Variants in CAMTA1 observed in about 807,000 individuals in gnomAD.
CAMTA1 encodes calmodulin binding transcription activator 1, also known as calmodulin-binding transcription activator 1.
CAMTA1 carries 27 observed loss-of-function variants against 170.9 expected under a neutral mutation model. The observed-to-expected ratio is 0.16, with a 90% CI of 0.12 to 0.22. The LOEUF is 0.22. Ranked by LOEUF, CAMTA1 falls within the 10% of genes least tolerant of loss-of-function variation. CAMTA1 has a pLI of 1.00. For synonymous variants in CAMTA1, 833 were observed against 891.5 expected (o/e 0.93, Z 1.17); for missense variants, 1,619 against 2,217.2 (o/e 0.73, Z 5.42).
chr1:6,939,813 C>T (rs1332855938), intron 3 of CAMTA1, among the ~76,000 whole-genome samples: 2 of 152,266 alleles, frequency 1.3e-5, no homozygotes, highest in African/African-American at 4.8e-5. Flanking sequence ...AAGGCTTCTG[C>T]CTAGCATCTG....
chr1:7,597,640 G>C lies in CAMTA1; in HGVS notation c.511-42760G>C, dbSNP rs554856133. Reference sequence around the variant, plus strand: ...CAAATTCTACAGAGTAGGTCAACGGGCTGGAGACCAGGAAAGAAATGATGT... The same window carrying C: ...CAAATTCTACAGAGTAGGTCAACGGCCTGGAGACCAGGAAAGAAATGATGT... On this transcript the variant is annotated intron_variant, in intron 6 of 22. Transcript: ENST00000303635. 7.9e-5 allele frequency among the ~76,000 whole-genome samples: 12 copies of C among 152,182 alleles called. No individual in the cohort carries two copies. The South Asian group carries it at 2.3e-3, about 29-fold the overall frequency.
chr1:7,407,700 C>T (rs1263295487), intron 5 of CAMTA1, among the ~76,000 whole-genome samples: 1 of 152,076 alleles, frequency 6.6e-6, no homozygotes, highest in African/African-American at 2.4e-5. Context: ...CTGGGGATGC[C>T]CGTGCCAGCC....
chr1:6,958,843 A>T (rs756043438), intron 3 of CAMTA1, among the ~76,000 whole-genome samples: 12 of 151,340 alleles, frequency 7.9e-5, no homozygotes, highest in Non-Finnish European at 1.3e-4. Context: ...GAAAGTTTTT[A>T]TTTTTTTTTA....
At chr1:7,766,193 A>G (rs912852772) in intron 22 of CAMTA1, among the ~76,000 whole-genome samples, 1 of 152,188 alleles carries the variant, frequency 6.6e-6, no homozygotes. Context: ...GATTTAATAC[A>G]TTAGACTTTG....
chr1:7,139,793 T>C (rs1645787809), intron 4 of CAMTA1, among the ~76,000 whole-genome samples: 1 of 152,164 alleles, frequency 6.6e-6, no homozygotes, highest in Non-Finnish European at 1.5e-5. Context: ...TTCTCTTCTG[T>C]TTTCTCCCTG....
chr1:7,670,337 G>A (rs114281204), intron 9 of CAMTA1, among the ~76,000 whole-genome samples: 2,044 of 152,216 alleles, frequency 0.013, 45 homozygotes, highest in African/African-American at 0.046. Flanking sequence ...TAGCTCCTCT[G>A]TTTCTTCATC....
At chr1:7,250,264 G>T (rs1218717033) in intron 5 of CAMTA1, among the ~76,000 whole-genome samples, 1 of 152,242 alleles carries the variant, frequency 6.6e-6, no homozygotes, top group Non-Finnish European at 1.5e-5. Flanking sequence ...CAGCCATGGA[G>T]AAATTCCCTT....
chr1:7,627,462 T>C (rs1158436454), intron 6 of CAMTA1, among the ~76,000 whole-genome samples: 11 of 152,244 alleles, frequency 7.2e-5, no homozygotes, highest in Admixed American at 7.2e-4. Context: ...TACCTGGCCC[T>C]TCTGAAGGTT....
intron 4 of CAMTA1, among the ~76,000 whole-genome samples, chr1:7,154,843 C>A (rs1009807007): frequency 9.9e-5 from 15 of 152,206 alleles, no homozygotes; most frequent in African/African-American, 3.6e-4. Flanking sequence ...CCTCTCAGCT[C>A]CTCAGGGAGT....
At chr1:7,722,188 C>A (rs1280151374) in intron 11 of CAMTA1, among the ~76,000 whole-genome samples, 1 of 152,240 alleles carries the variant, frequency 6.6e-6, no homozygotes, top group Non-Finnish European at 1.5e-5. Context: ...CCCAGCCCTT[C>A]TAAACTTAGA....
At chr1:7,647,677 G>A (rs192851729) in intron 7 of CAMTA1, among the ~76,000 whole-genome samples, 25 of 152,320 alleles carry the variant, frequency 1.6e-4, no homozygotes, top group African/African-American at 5.3e-4. Flanking sequence ...CAGCTCAGTC[G>A]ATCCTGATCC....
chr1:6,956,934 C>A (rs996765269), intron 3 of CAMTA1, among the ~76,000 whole-genome samples: 1 of 152,166 alleles, frequency 6.6e-6, no homozygotes, highest in Admixed American at 6.5e-5. Flanking sequence ...TAGTTAGTAG[C>A]GGTCGGGCCA....
chr1:7,724,088 G>T (rs956826439), intron 11 of CAMTA1, among the ~76,000 whole-genome samples: 2 of 152,180 alleles, frequency 1.3e-5, no homozygotes, highest in African/African-American at 4.8e-5. Context: ...CAAAGTGCTG[G>T]GATTACAGGC....
At chr1:7,316,167 G>A (rs1371384867) in intron 5 of CAMTA1, among the ~76,000 whole-genome samples, 2 of 152,112 alleles carry the variant, frequency 1.3e-5, no homozygotes, top group African/African-American at 2.4e-5. Context: ...CTCCCACTGC[G>A]TTCCTCCCAT....
At chr1:7,648,677 C>T (rs1436874097) in intron 7 of CAMTA1, among the ~76,000 whole-genome samples, 1 of 152,160 alleles carries the variant, frequency 6.6e-6, no homozygotes, top group Non-Finnish European at 1.5e-5. Flanking sequence ...GGAGCCGAGC[C>T]GGCTGCAGTC....
At chr1:7,713,764 C>T (rs561436804) in intron 11 of CAMTA1, among the ~76,000 whole-genome samples, 3 of 152,094 alleles carry the variant, frequency 2.0e-5, no homozygotes, top group African/African-American at 7.2e-5. Flanking sequence ...CTTATATGTA[C>T]GTATGTTTCT....
At position 7,673,529 on chromosome 1, in the gene CAMTA1, TG is replaced by T. The variant is rs2096079532; in HGVS notation, c.2779+2495del. Among the ~76,000 whole-genome samples, 1 of 152,214 alleles carries T rather than the reference TG, an allele frequency of 6.6e-6. No homozygotes were observed. The highest frequency in any genetic ancestry group is 1.5e-5 in the Non-Finnish European group (1 of 68,018). ...AGTTCTCCTGGTCCTGGGGCATTTC[TG>T]GGTCCCCAGAGATGGCAGGTAGAGT... On this transcript the variant is annotated intron_variant, in intron 10 of 22. Transcript: ENST00000303635. This position sits in a 1 kb window ranked among gnomAD's most constrained non-coding sequence, Gnocchi z 4.6.
chr1:7,574,686 C>A (rs1267193480), intron 6 of CAMTA1, among the ~76,000 whole-genome samples: 2 of 152,214 alleles, frequency 1.3e-5, no homozygotes, highest in Non-Finnish European at 2.9e-5. Flanking sequence ...CCGTGCCAAG[C>A]CAACCGGCTA....
At position 7,421,589 on chromosome 1, in the gene CAMTA1, T is replaced by TA. The variant is rs1297063571; in HGVS notation, c.439-46241_439-46240insA. ...CTCTCTCTGGGCCTCAGTTTCTTCC[T>TA]GTAGGAACTGGAGGTAACAACGGCC... On this transcript the variant is annotated intron_variant, in intron 5 of 22. Transcript: ENST00000303635. 2.6e-5 allele frequency among the ~76,000 whole-genome samples: 4 copies of TA among 152,242 alleles called. No individual in the cohort carries two copies. In the East Asian group the frequency reaches 5.8e-4, roughly 22 times the overall value.
Sources: allele counts gnomAD v4.1 joint callset (sites outside exome capture counted in the v4.1 genomes callset), GRCh38; gene constraint gnomAD v4.1.1; non-coding constraint Gnocchi (gnomAD v3.1); transcripts MANE v1.5; gene names NCBI Gene and HGNC (gene_info 2026-07-23, HGNC 2026-07-21).